Variants in TRPV4 observed in about 807,000 individuals in gnomAD.
TRPV4 encodes the protein OSM9-like transient receptor potential channel 4.
TRPV4 carries 58 observed loss-of-function variants against 84.1 expected under a neutral mutation model. The observed-to-expected ratio is 0.69, with a 90% CI of 0.56 to 0.86. The LOEUF is 0.86. Among genes scored for constraint, TRPV4 ranks in the 40% least tolerant of loss-of-function variants. TRPV4 has a pLI of 0.00. For missense variants in TRPV4, 879 were observed against 1,181.1 expected, an observed-to-expected ratio of 0.74 and a Z score of 3.75; for synonymous variants, 489 against 500.9, an observed-to-expected ratio of 0.98 and a Z score of 0.32.
At chr12:109,820,140 T>C (rs1892034638) in intron 1 of TRPV4, among the ~76,000 whole-genome samples, 1 of 152,072 alleles carries the variant, frequency 6.6e-6, no homozygotes, top group Non-Finnish European at 1.5e-5. Context: ...CAGATATCAA[T>C]CCCTTTGGGG....
rs748793386 is a variant in TRPV4, at chr12:109,788,482, A to G, written c.2126T>C (p.Leu709Pro). The G allele has an allele frequency of 6.2e-7, 1 of 1,614,242 alleles. No individual in the cohort carries two copies. Among genetic ancestry groups the G allele is most frequent in the Non-Finnish European group, 8.5e-7 (1 of 1,180,044 alleles). The change falls in exon 13 of 16, where the codon CTG (leucine) becomes CCG (proline). Residue 709 changes from leucine to proline, a missense_variant. Leu to Pro is a moderately conservative substitution (Grantham distance 98). Coordinates refer to ENST00000261740, the MANE Select transcript of TRPV4 (RefSeq NM_021625.5). The part of the protein sequence containing the change: ...LVTYIILTFV[L>P]LLNMLIALMG... ...GAGGGCAATGAGCATGTTGAGGAGC[A>G]GCACAAAGGTGAGGATGATGTAGGT...
intron 1 of TRPV4, among the ~76,000 whole-genome samples, chr12:109,828,450 G>A (rs1480900317): frequency 6.6e-6 from 1 of 152,202 alleles, no homozygotes; most frequent in Non-Finnish European, 1.5e-5. Flanking sequence ...TCCGGCCACT[G>A]GGGTGCCAGC....
intron 4 of TRPV4, among the ~76,000 whole-genome samples, chr12:109,802,598 G>C (rs1192124928): frequency 7.0e-6 from 1 of 142,102 alleles, no homozygotes; most frequent in East Asian, 2.1e-4. Context: ...CACCGCACCT[G>C]GCCTTCTTTT....
At chr12:109,817,993 G>A (rs968683469) in intron 1 of TRPV4, among the ~76,000 whole-genome samples, 5 of 152,132 alleles carry the variant, frequency 3.3e-5, no homozygotes, top group African/African-American at 1.2e-4. Context: ...CTGGAAGTAG[G>A]TACTGCGATC....
intron 3 of TRPV4, among the ~76,000 whole-genome samples, chr12:109,807,989 A>T (rs1408128731): frequency 6.6e-6 from 1 of 152,176 alleles, no homozygotes; most frequent in Non-Finnish European, 1.5e-5. Flanking sequence ...GAGGTCACAC[A>T]TCGCTTAACT....
intron 14 of TRPV4, among the ~76,000 whole-genome samples, chr12:109,785,853 C>A (rs1239629154): frequency 6.6e-6 from 1 of 151,848 alleles, no homozygotes; most frequent in Non-Finnish European, 1.5e-5. Context: ...GGCAACATAG[C>A]AAGAACCCCA....
At chr12:109,832,281 G>A (rs1375426748) in intron 1 of TRPV4, 1 of 152,540 alleles carries the variant, frequency 6.6e-6, no homozygotes, top group Non-Finnish European at 1.5e-5. Flanking sequence ...AGCCCACCTC[G>A]TCACCCTCCT....
rs201884175 is a variant in TRPV4, at chr12:109,783,729, C to T, written c.2508G>A (p.Ser836=). The part of the protein sequence containing the change: ...VPRVVELNKN[S]NPDEVVVPLD... Reference sequence around the variant, plus strand: ...GAGGCACCACCACCTCGTCCGGGTTCGAGTTCTTGTTCAGTTCCACCACGC... The same window carrying T: ...GAGGCACCACCACCTCGTCCGGGTTTGAGTTCTTGTTCAGTTCCACCACGC... The change falls in exon 16 of 16, where the codon TCG becomes TCA. Residue 836 remains serine, a synonymous_variant. Transcript: ENST00000261740. The surrounding 1 kb of genome is among the most constrained non-coding windows in gnomAD (Gnocchi z 4.6). 2.7e-5 allele frequency: 43 copies of T among 1,613,430 alleles called. No individual in the cohort carries two copies. Among genetic ancestry groups the T allele is most frequent in the Non-Finnish European group, 3.1e-5 (37 of 1,179,986 alleles).
At chr12:109,829,963 G>A (rs186346691) in intron 1 of TRPV4, among the ~76,000 whole-genome samples, 46 of 152,286 alleles carry the variant, frequency 3.0e-4, no homozygotes, top group African/African-American at 9.9e-4. Flanking sequence ...CTACAGGTGC[G>A]TGCTACCACG....
chr12:109,807,341 A>AC (rs1891211075), intron 3 of TRPV4, among the ~76,000 whole-genome samples: 1 of 149,870 alleles, frequency 6.7e-6, no homozygotes, highest in African/African-American at 2.5e-5. Context: ...CTGTAGACCA[A>AC]CCATGGTCCG....
At chr12:109,808,885 C>G (rs1054090754) in intron 2 of TRPV4, among the ~76,000 whole-genome samples, 4 of 151,300 alleles carry the variant, frequency 2.6e-5, no homozygotes, top group African/African-American at 9.7e-5. Flanking sequence ...ATCCATCCAA[C>G]CATCACTCAT....
intron 1 of TRPV4, among the ~76,000 whole-genome samples, chr12:109,826,762 G>A (rs545789933): frequency 2.8e-4 from 42 of 152,270 alleles, no homozygotes; most frequent in African/African-American, 9.4e-4. Flanking sequence ...TAGTAACTGC[G>A]TGGCCCCAGA....
In TRPV4 at chr12:109,783,377, T is replaced by G. The variant is rs1592811517; in HGVS notation, c.*244A>C. ...GAGAGGCAGGGGCTGGGGCCTGAGG[T>G]GGAGGGGCTCTGGCGTTGGCTTATG... is the stretch of plus-strand genomic sequence containing the variant. On this transcript the variant is annotated 3_prime_UTR_variant, in exon 16 of 16. Coordinates refer to ENST00000261740, the MANE Select transcript of TRPV4 (RefSeq NM_021625.5). This position sits in a 1 kb window ranked among gnomAD's most constrained non-coding sequence, Gnocchi z 4.6. 6.0e-6 allele frequency: 3 copies of G among 499,602 alleles called. No homozygotes were observed. Among genetic ancestry groups the G allele is most frequent in the African/African-American group, 2.0e-5 (1 of 51,216 alleles). 30.9% of individuals were successfully genotyped at this position (499,602 alleles called of 1,614,324 possible). A position where few individuals can be genotyped will look rare whatever the true frequency, so the allele number is the denominator to read the frequency against.
At chr12:109,809,169 T>C (rs1891349939) in intron 2 of TRPV4, among the ~76,000 whole-genome samples, 1 of 138,024 alleles carries the variant, frequency 7.2e-6, no homozygotes, top group Non-Finnish European at 1.5e-5. Context: ...CCATCACTCA[T>C]CCATCCATCC....
At chr12:109,792,312 T>C (rs1167954448) in intron 12 of TRPV4, 51 bp downstream of exon 12, 15 of 1,484,724 alleles carry the variant, frequency 1.0e-5, no homozygotes, top group Non-Finnish European at 1.4e-5. Flanking sequence ...TGGCTACTGT[T>C]CCCGTCCTTG....
chr12:109,796,832 C>T lies in TRPV4; in HGVS notation c.1153-128G>A. The T allele has an allele frequency of 1.1e-6, 1 of 938,064 alleles. No homozygotes were observed. Among genetic ancestry groups the T allele is most frequent in the Non-Finnish European group, 1.5e-6 (1 of 647,030 alleles). 58.1% of individuals were successfully genotyped at this position (938,064 alleles called of 1,614,324 possible). A position where few individuals can be genotyped will look rare whatever the true frequency, so the allele number is the denominator to read the frequency against. On this transcript the variant is annotated intron_variant, in intron 6 of 15. Coordinates refer to ENST00000261740, the MANE Select transcript of TRPV4 (RefSeq NM_021625.5). This position sits in a 1 kb window ranked among gnomAD's most constrained non-coding sequence, Gnocchi z 4.2. The stretch of plus-strand genomic sequence containing the variant: ...GGCTGCTGGAGGACCCTTTCCTCAT[C>T]TTGTTTAATTCTTGCTCTTATTATC...
In TRPV4 at chr12:109,793,547, A is replaced by G. The variant is rs1890173962; in HGVS notation, c.1638T>C (p.Asp546=). 1 of 1,614,084 alleles carries G rather than the reference A, an allele frequency of 6.2e-7. No individual in the cohort carries two copies. The highest frequency in any genetic ancestry group is 1.1e-5 in the South Asian group (1 of 91,082). Residue 546 remains aspartate, a synonymous_variant, in exon 10 of 16, where the codon GAT becomes GAC. Coordinates refer to ENST00000261740, the MANE Select transcript of TRPV4 (RefSeq NM_021625.5). This position sits in a 1 kb window ranked among gnomAD's most constrained non-coding sequence, Gnocchi z 4.0. ...CTCACTAGAGCAGCTGGAAGGAGCCATCAATGAAGAGAGAATTCACTCCAG... is the reference window on the plus strand; with the variant it reads ...CTCACTAGAGCAGCTGGAAGGAGCCGTCAATGAAGAGAGAATTCACTCCAG... ...KCPGVNSLFI[D]GSFQLLYFIY...
Position 109,798,974 on chromosome 12 carries a change from C to G in TRPV4, c.854-62G>C, listed in dbSNP as rs1890605998. On this transcript the variant is annotated intron_variant, in intron 5 of 15. Transcript: ENST00000261740. This position sits in a 1 kb window ranked among gnomAD's most constrained non-coding sequence, Gnocchi z 5.0. ...GGGGCCCAGGGTGGGACTCTGCCTG[C>G]AGACACTCGGGGGACGGACACCGTG... The G allele has an allele frequency of 6.6e-7, 1 of 1,514,654 alleles. No homozygotes were observed. Among genetic ancestry groups the G allele is most frequent in the Non-Finnish European group, 9.0e-7 (1 of 1,112,186 alleles). 93.8% of individuals were successfully genotyped at this position (1,514,654 alleles called of 1,614,324 possible).
In TRPV4 at chr12:109,788,569, A is replaced by G; in HGVS notation, c.2039T>C (p.Met680Thr). 6.2e-7 allele frequency: 1 copy of G among 1,614,258 alleles called. No homozygotes were observed. Among genetic ancestry groups the G allele is most frequent in the Non-Finnish European group, 8.5e-7 (1 of 1,180,038 alleles). Residue 680 changes from methionine to threonine, a missense_variant, in exon 13 of 16, where the codon ATG becomes ACG. Coordinates refer to ENST00000261740, the MANE Select transcript of TRPV4 (RefSeq NM_021625.5). ...LLDLFKLTIGMGDLEMLSSTK... is the reference protein window; with the variant it reads ...LLDLFKLTIGTGDLEMLSSTK... ...GCTGCTCAGCATCTCCAGGTCGCCC[A>G]TGCCGATGGTCAGCTTAAACAGGTC...
Sources: allele counts gnomAD v4.1 joint callset (sites outside exome capture counted in the v4.1 genomes callset), GRCh38; gene constraint gnomAD v4.1.1; non-coding constraint Gnocchi (gnomAD v3.1); transcripts MANE v1.5; gene names NCBI Gene and HGNC (gene_info 2026-07-23, HGNC 2026-07-21).